The following KIF18B variants were observed in gnomAD, a reference collection of about 807,000 sequenced individuals.
The protein encoded by KIF18B is kinesin family member 18B.
A neutral mutation model predicts 80.9 loss-of-function variants in KIF18B; 49 were observed. The observed-to-expected ratio is 0.61, with a 90% CI of 0.48 to 0.77. The LOEUF (loss-of-function observed/expected upper bound fraction) is 0.77, where lower values mean the gene tolerates loss of function less well. KIF18B is among the 30% of genes least tolerant of loss of function. KIF18B has a pLI of 0.00. For missense variants in KIF18B, 994 were observed against 1,127.7 expected (o/e 0.88, Z 1.70); for synonymous variants, 439 against 463.9 (o/e 0.95, Z 0.69).
In KIF18B at chr17:44,936,332, C is replaced by T. The variant is rs769501454; in HGVS notation, c.13G>A (p.Asp5Asn). 2 of 1,605,106 alleles carry T rather than the reference C, an allele frequency of 1.2e-6. No homozygotes were observed. Among genetic ancestry groups the T allele is most frequent in the East Asian group, 2.2e-5 (1 of 44,716 alleles). The change falls in exon 2 of 16, where the codon GAC becomes AAC. Residue 5 changes from aspartate to asparagine, a missense_variant. By Grantham distance (23) the Asp-to-Asn change is conservative (BLOSUM62 1). Coordinates refer to ENST00000593135, the MANE Select transcript of KIF18B (RefSeq NM_001265577.2). MAVE[D>N]STLQVVVRVR... ...CGTACCACTACTTGCAGCGTGCTGTCCTCCACTGCCATCACTGTGGTGACA... is the reference window on the plus strand; with the variant it reads ...CGTACCACTACTTGCAGCGTGCTGTTCTCCACTGCCATCACTGTGGTGACA...
Position 44,947,693 on chromosome 17 carries a change from A to G in KIF18B, c.-80T>C, listed in dbSNP as rs1483347972. 6.6e-6 allele frequency: 1 copy of G among 152,462 alleles called. No homozygotes were observed. The highest frequency in any genetic ancestry group is 1.5e-5 in the Non-Finnish European group (1 of 68,258). The allele number at this position is 152,462 out of a possible 1,614,324, so 9.4% of individuals were successfully genotyped here. A position where few individuals can be genotyped will look rare whatever the true frequency, so the allele number is the denominator to read the frequency against. On this transcript the variant is annotated 5_prime_UTR_variant, in exon 1 of 16. Coordinates refer to ENST00000593135, the MANE Select transcript of KIF18B (RefSeq NM_001265577.2). ...CGGGTCCCACAGCCACACCACAGACAGCAGTACCCACACCGGGAGAGAGCG... is the reference window on the plus strand; with the variant it reads ...CGGGTCCCACAGCCACACCACAGACGGCAGTACCCACACCGGGAGAGAGCG...
In KIF18B at chr17:44,934,998, C is replaced by T. The variant is rs376513445; in HGVS notation, c.472-63G>A. 5.4e-5 allele frequency: 66 copies of T among 1,228,262 alleles called. 2 individuals carry two copies. The highest frequency in any genetic ancestry group is 3.9e-4 in the African/African-American group (26 of 66,036). The allele number at this position is 1,228,262 out of a possible 1,614,324, so 76.1% of individuals were successfully genotyped here. ...GGCCCATCAGGAAACCTCTCCCTAGCGGCTGGACAGGGGAGCTGAGGCCGG... is the reference window on the plus strand; with the variant it reads ...GGCCCATCAGGAAACCTCTCCCTAGTGGCTGGACAGGGGAGCTGAGGCCGG... On this transcript the variant is annotated intron_variant, in intron 3 of 15. Transcript: ENST00000593135. The surrounding 1 kb of genome is among the most constrained non-coding windows in gnomAD (Gnocchi z 5.4).
In KIF18B at chr17:44,935,244, G is replaced by A. The variant is rs765229912; in HGVS notation, c.471+15C>T. On this transcript the variant is annotated intron_variant, in intron 3 of 15. Transcript: ENST00000593135. The stretch of plus-strand genomic sequence containing the variant: ...GGTGGTTGTGAGAACAAGGCCCAGG[G>A]CAGGGGCAGCCGACCTCCTGGTAGC... 5.0e-6 allele frequency: 8 copies of A among 1,591,120 alleles called. No homozygotes were observed. In the East Asian group the frequency reaches 1.8e-4, roughly 36 times the overall value.
In KIF18B at chr17:44,932,917, C is replaced by G. The variant is rs771436061; in HGVS notation, c.1132G>C (p.Ala378Pro). ...CCCCAAGGCGGGCTCCTCACCTCAG[C>G]CTGGAGCTGTTGGCAGATGGTAGCA... ...QYATICQQLQ[A>P]EVAALRKKLQ... Residue 378 changes from alanine (A) to proline (P), a missense_variant, in exon 8 of 16, where the codon GCT (alanine) becomes CCT (proline). Ala to Pro is a conservative substitution (Grantham distance 27). Transcript: ENST00000593135. 7 of 1,605,488 alleles carry G rather than the reference C, an allele frequency of 4.4e-6. No homozygotes were observed. In the Admixed American group the frequency reaches 1.0e-4, roughly 23 times the overall value.
Position 44,939,366 on chromosome 17 carries a change from C to CAAAAAAAAAAAA in KIF18B, c.-14-3020_-14-3009dup, listed in dbSNP as rs781348504. Among the ~76,000 whole-genome samples the CAAAAAAAAAAAA allele has an allele frequency of 2.1e-3, 76 of 36,952 alleles. 2 individuals are homozygous for CAAAAAAAAAAAA. The highest frequency in any genetic ancestry group is 3.1e-3 in the Admixed American group (7 of 2,246). 24.2% of individuals were successfully genotyped at this position (36,952 alleles called of 152,430 possible). On this transcript the variant is annotated intron_variant, in intron 1 of 15. Coordinates refer to ENST00000593135, the MANE Select transcript of KIF18B (RefSeq NM_001265577.2). ...AGCCTGGGTGACAGAGACTCCATCTCAAAAAAAAAAAAAAAAAAAAAAAAA... is the reference window on the plus strand; with the variant it reads ...AGCCTGGGTGACAGAGACTCCATCTCAAAAAAAAAAAAAAAAAAAAAAAAAAAAAAAAAAAAA...
In KIF18B at chr17:44,932,983, T is replaced by C; in HGVS notation, c.1066A>G (p.Lys356Glu). 3.1e-6 allele frequency: 5 copies of C among 1,604,564 alleles called. No homozygotes were observed. The highest frequency in any genetic ancestry group is 4.3e-6 in the Non-Finnish European group (5 of 1,172,386). Residue 356 changes from lysine to glutamate, a missense_variant, in exon 8 of 16, where the codon AAG (lysine) becomes GAG (glutamate). Physicochemically the swap from Lys to Glu is moderately conservative, Grantham distance 56. Transcript: ENST00000593135. ...DRAKEIRLSL[K>E]SNVTSLDCHI... ...CAGTCCAGGCTGGTCACATTGCTCTTCAGCTGAGATGGGGAACAGGAGAGA... is the reference window on the plus strand; with the variant it reads ...CAGTCCAGGCTGGTCACATTGCTCTCCAGCTGAGATGGGGAACAGGAGAGA...
rs958154309 is a variant in KIF18B at position 44,935,641 on chromosome 17, C to T, written c.314-225G>A. 9.2e-5 allele frequency among the ~76,000 whole-genome samples: 14 copies of T among 152,300 alleles called. No individual in the cohort carries two copies. In the East Asian group the frequency reaches 9.7e-4, roughly 11 times the overall value. On this transcript the variant is annotated intron_variant, in intron 2 of 15. Coordinates refer to ENST00000593135, the MANE Select transcript of KIF18B (RefSeq NM_001265577.2). Reference sequence around the variant, plus strand: ...GATGACCTGATCTCCACTATGGGTGCGGGCTATGCCTTCCTTCTGTAGGTG... The same window carrying T: ...GATGACCTGATCTCCACTATGGGTGTGGGCTATGCCTTCCTTCTGTAGGTG...
chr17:44,928,307 G>T lies in KIF18B; in HGVS notation c.1995C>A (p.Asp665Glu). 1 of 1,613,112 alleles carries T rather than the reference G, an allele frequency of 6.2e-7. No homozygotes were observed. Among genetic ancestry groups the T allele is most frequent in the Non-Finnish European group, 8.5e-7 (1 of 1,179,712 alleles). Residue 665 changes from aspartate to glutamate, a missense_variant, in exon 13 of 16, where the codon GAC becomes GAA. By Grantham distance (45) the Asp-to-Glu change is conservative. Transcript: ENST00000593135. ...LPCLRRGSLP[D>E]TQPSQGPSTP... The stretch of plus-strand genomic sequence containing the variant: ...TGCTGGGCCCCTGTGAAGGTTGGGT[G>T]TCAGGCAGAGACCCTCTCCTTAGGC...
chr17:44,936,598 C>CTCTA (rs1183735794), intron 1 of KIF18B, among the ~76,000 whole-genome samples: 77 of 27,842 alleles, frequency 2.8e-3, no homozygotes, highest in South Asian at 5.4e-3. Flanking sequence ...CTCTCTCTCT[C>CTCTA]TATATATATA....
chr17:44,929,777 G>A (rs1015617677), intron 11 of KIF18B, among the ~76,000 whole-genome samples: 5 of 152,126 alleles, frequency 3.3e-5, no homozygotes, highest in South Asian at 2.1e-4. Context: ...AACGCATTCC[G>A]TCTATGCTTT....
chr17:44,934,161 C>A lies in KIF18B; in HGVS notation c.886-62G>T. ...GATGGCACTGACCCAGGATGGGGCC[C>A]TGTGGCCTTTGGCCCTGGGTTCAGG... On this transcript the variant is annotated intron_variant, in intron 6 of 15. Coordinates refer to ENST00000593135, the MANE Select transcript of KIF18B (RefSeq NM_001265577.2). This position sits in a 1 kb window ranked among gnomAD's most constrained non-coding sequence, Gnocchi z 5.4. 1 of 1,598,200 alleles carries A rather than the reference C, an allele frequency of 6.3e-7. No individual in the cohort carries two copies. Among genetic ancestry groups the A allele is most frequent in the Non-Finnish European group, 8.5e-7 (1 of 1,171,584 alleles).
chr17:44,928,858 TGG>T lies in KIF18B; in HGVS notation c.1682_1683del (p.Ala561GlufsTer104), dbSNP rs1452820534. The T allele has an allele frequency of 1.2e-6, 2 of 1,613,874 alleles. No homozygotes were observed. Among genetic ancestry groups the T allele is most frequent in the Non-Finnish European group, 1.7e-6 (2 of 1,179,816 alleles). ...AGCTCCTGAGCCAGAGGTGCCCCCCTGGCCAGGCCTGAAGTCCTCAAGGCCTC... is the reference window on the plus strand; with the variant it reads ...AGCTCCTGAGCCAGAGGTGCCCCCCTCCAGGCCTGAAGTCCTCAAGGCCTC... ...GAEALRTSGL[A>X]RGAPLAQELC... is the part of the protein sequence containing the mutation. On this transcript the variant is annotated frameshift_variant, in exon 12 of 16. Transcript: ENST00000593135. LOFTEE classifies it high-confidence loss of function.
intron 1 of KIF18B, among the ~76,000 whole-genome samples, chr17:44,936,618 ATATATATTTTTTTTTTTTTTTTTTT>A (rs2052312485): frequency 4.1e-5 from 3 of 72,756 alleles, no homozygotes; most frequent in Admixed American, 1.9e-4. Context: ...ATATATATAT[ATATATATTTTTTTTTTTTTTTTTTT>A]TTTTTTTTTT....
intron 3 of KIF18B, 86 bp from the exon 4 acceptor site, chr17:44,935,021 C>G (rs149484522): frequency 9.8e-7 from 1 of 1,023,896 alleles, no homozygotes; most frequent in African/African-American, 1.6e-5. Flanking sequence ...GAGCTGAGGC[C>G]GGGATGTATC....
rs2052243476 is a variant in KIF18B at position 44,934,811 on chromosome 17, A to G, written c.576+20T>C. The G allele has an allele frequency of 6.6e-7, 1 of 1,513,468 alleles. No individual in the cohort carries two copies. The highest frequency in any genetic ancestry group is 1.7e-4 in the Middle Eastern group (1 of 5,890). 93.8% of individuals were successfully genotyped at this position (1,513,468 alleles called of 1,614,324 possible). A position where few individuals can be genotyped will look rare whatever the true frequency, so the allele number is the denominator to read the frequency against. On this transcript the variant is annotated intron_variant, in intron 4 of 15. Coordinates refer to ENST00000593135, the MANE Select transcript of KIF18B (RefSeq NM_001265577.2). The surrounding 1 kb of genome is among the most constrained non-coding windows in gnomAD (Gnocchi z 5.4). ...AAGGACCCATGGGGCCGATCATCCT[A>G]CCCGAGCCCAATCCCACACCTGGTG...
At chr17:44,935,792 T>C (rs77529772) in intron 2 of KIF18B, among the ~76,000 whole-genome samples, 7,362 of 152,290 alleles carry the variant, frequency 0.048, 264 homozygotes, top group Non-Finnish European at 0.079. Flanking sequence ...AAGCACCAAG[T>C]GGACAGGAAC....
intron 1 of KIF18B, among the ~76,000 whole-genome samples, chr17:44,936,610 A>C (rs1330440131): frequency 1.9e-4 from 14 of 74,270 alleles, no homozygotes; most frequent in African/African-American, 5.1e-4. Flanking sequence ...ATATATATAT[A>C]TATATATATA....
At chr17:44,933,188 C>T (rs2052196662) in intron 7 of KIF18B, among the ~76,000 whole-genome samples, 1 of 152,090 alleles carries the variant, frequency 6.6e-6, no homozygotes, top group African/African-American at 2.4e-5. Flanking sequence ...ACGACTAAGA[C>T]CTTCTTGCCA....
chr17:44,942,734 C>T (rs1357715577), intron 1 of KIF18B, among the ~76,000 whole-genome samples: 3 of 152,254 alleles, frequency 2.0e-5, no homozygotes, highest in African/African-American at 7.2e-5. Context: ...CAGAGAAGAG[C>T]AGAGTCTGAA....
Sources: allele counts gnomAD v4.1 joint callset (sites outside exome capture counted in the v4.1 genomes callset), GRCh38; gene constraint gnomAD v4.1.1; non-coding constraint Gnocchi (gnomAD v3.1); transcripts MANE v1.5; gene names NCBI Gene and HGNC (gene_info 2026-07-23, HGNC 2026-07-21).